The following ADARB2 variants were observed in gnomAD, a reference collection of about 807,000 sequenced individuals.
The protein encoded by ADARB2 is adenosine deaminase RNA specific B2 (inactive), also known as inactive double-stranded RNA-specific editase B2.
A neutral mutation model predicts 62.2 loss-of-function variants in ADARB2; 25 were observed. The ratio of observed to expected loss-of-function variants is 0.40; its 90% confidence interval spans 0.29 to 0.56. The LOEUF is 0.56. ADARB2 is among the 20% of genes least tolerant of loss of function. ADARB2 has a pLI of 0.43. For missense variants in ADARB2, 1,071 were observed against 1,077.4 expected (o/e 0.99, Z 0.08); for synonymous variants, 572 against 500.8 (o/e 1.14, Z -1.90).
intron 1 of ADARB2, among the ~76,000 whole-genome samples, chr10:1,642,081 G>T (rs1365670663): frequency 6.6e-6 from 1 of 152,140 alleles, no homozygotes; most frequent in Non-Finnish European, 1.5e-5. Flanking sequence ...CATTTATTAT[G>T]ATTTCTTTTT....
chr10:1,677,045 A>G (rs1834475113), intron 1 of ADARB2, among the ~76,000 whole-genome samples: 1 of 152,222 alleles, frequency 6.6e-6, no homozygotes, highest in South Asian at 2.1e-4. Flanking sequence ...CAGCTTACAC[A>G]TCCGCTTCAC....
chr10:1,659,640 C>A (rs149052233), intron 1 of ADARB2, among the ~76,000 whole-genome samples: 2 of 152,364 alleles, frequency 1.3e-5, no homozygotes, highest in East Asian at 3.9e-4. Flanking sequence ...ACTTTCAGAG[C>A]CTGGTGAACT....
At chr10:1,220,278 A>ATGATGGTG (rs1564225314) in intron 6 of ADARB2, among the ~76,000 whole-genome samples, 4 of 69,000 alleles carry the variant, frequency 5.8e-5, no homozygotes, top group Admixed American at 3.5e-4. Context: ...TGATGATGGT[A>ATGATGGTG]ATGGTGATGG....
chr10:1,548,901 G>C (rs1292423053), intron 1 of ADARB2, among the ~76,000 whole-genome samples: 1 of 152,202 alleles, frequency 6.6e-6, no homozygotes, highest in African/African-American at 2.4e-5. Flanking sequence ...GAGTGTGAGG[G>C]GCCGAGGCAG....
chr10:1,384,233 T>A (rs937544636), intron 1 of ADARB2, among the ~76,000 whole-genome samples: 11 of 152,236 alleles, frequency 7.2e-5, no homozygotes, highest in Admixed American at 6.5e-4. Flanking sequence ...GGAGAGCCAG[T>A]TCTCTACGCT....
chr10:1,515,737 A>G (rs962699832), intron 1 of ADARB2, among the ~76,000 whole-genome samples: 4 of 152,188 alleles, frequency 2.6e-5, no homozygotes, highest in African/African-American at 9.6e-5. Context: ...TTCAGATCCC[A>G]AAGTGTTTCT....
chr10:1,482,058 T>C (rs1588273619), intron 1 of ADARB2, among the ~76,000 whole-genome samples: 1 of 152,156 alleles, frequency 6.6e-6, no homozygotes, highest in African/African-American at 2.4e-5. Flanking sequence ...TTCATACCCA[T>C]GAGGATGGCT....
In ADARB2 at chr10:1,420,611, G is replaced by GAAAAAA. The variant is rs755860726; in HGVS notation, c.101-41452_101-41451insTTTTTT. ...GCAGGTCCTCATCTTCCAGAAAGAG[G>GAAAAAA]GAAAAAAAAAAAAAAAAAAGGCAGA... On this transcript the variant is annotated intron_variant, in intron 1 of 9. Coordinates refer to ENST00000381312, the MANE Select transcript of ADARB2 (RefSeq NM_018702.4). Among the ~76,000 whole-genome samples the GAAAAAA allele has an allele frequency of 1.7e-5, 2 of 121,130 alleles. 1 individual carries two copies. The allele number at this position is 121,130 out of a possible 152,430, so 79.5% of individuals were successfully genotyped here.
At chr10:1,649,368 A>G (rs1055201960) in intron 1 of ADARB2, among the ~76,000 whole-genome samples, 3 of 152,030 alleles carry the variant, frequency 2.0e-5, no homozygotes, top group African/African-American at 7.2e-5. Flanking sequence ...GTATTCCCCA[A>G]TTTTCCACAG....
At chr10:1,637,360 G>C (rs1833928937) in intron 1 of ADARB2, among the ~76,000 whole-genome samples, 1 of 152,144 alleles carries the variant, frequency 6.6e-6, no homozygotes, top group African/African-American at 2.4e-5. Flanking sequence ...TCCTTGATTA[G>C]AGCTATAATC....
chr10:1,506,946 G>A lies in ADARB2; in HGVS notation c.101-127786C>T, dbSNP rs78242764. Among the ~76,000 whole-genome samples the A allele has an allele frequency of 6.2e-3, 949 of 152,336 alleles. 11 individuals carry two copies. The highest frequency in any genetic ancestry group is 0.021 in the African/African-American group (879 of 41,588). ...GTGAGCAGGTGGCTGGCTGCAGGTC[G>A]GAGGCCAGGATGTCAGGAGGCAGGT... On this transcript the variant is annotated intron_variant, in intron 1 of 9. Coordinates refer to ENST00000381312, the MANE Select transcript of ADARB2 (RefSeq NM_018702.4).
Position 1,379,096 on chromosome 10 carries a change from G to A in ADARB2, c.165C>T (p.Asn55=), listed in dbSNP as rs768595539. 4 of 1,613,750 alleles carry A rather than the reference G, an allele frequency of 2.5e-6. No homozygotes were observed. In the Admixed American group the frequency reaches 6.7e-5, roughly 27 times the overall value. The change falls in exon 2 of 10, where the codon AAC becomes AAT. Residue 55 remains asparagine, a synonymous_variant. Transcript: ENST00000381312. Reference sequence around the variant, plus strand: ...TACTGAGGGTGTCGTCATCCTCCGTGTTTGTGATGCCAGGACTCAGGTGCT... The same window carrying A: ...TACTGAGGGTGTCGTCATCCTCCGTATTTGTGATGCCAGGACTCAGGTGCT... ...PFKHLSPGIT[N]TEDDDTLSTS...
chr10:1,565,395 C>T (rs1832847524), intron 1 of ADARB2, among the ~76,000 whole-genome samples: 2 of 152,226 alleles, frequency 1.3e-5, no homozygotes, highest in Admixed American at 6.5e-5. Context: ...GTTATGCCTC[C>T]CCTCCCCCTT....
At chr10:1,461,672 T>C (rs927935987) in intron 1 of ADARB2, among the ~76,000 whole-genome samples, 2 of 136,070 alleles carry the variant, frequency 1.5e-5, no homozygotes, top group African/African-American at 2.7e-5. Flanking sequence ...CTTTTTTTTT[T>C]CCTTTTTTTC....
chr10:1,357,527 T>C (rs1255740704), intron 3 of ADARB2, among the ~76,000 whole-genome samples: 1 of 152,214 alleles, frequency 6.6e-6, no homozygotes, highest in Non-Finnish European at 1.5e-5. Context: ...AATTTGAATT[T>C]CAGATAAATA....
At chr10:1,652,436 A>G (rs1427276396) in intron 1 of ADARB2, among the ~76,000 whole-genome samples, 6 of 152,002 alleles carry the variant, frequency 3.9e-5, no homozygotes, top group Non-Finnish European at 8.8e-5. Context: ...GGAGCATCCC[A>G]CTTCCTTTCC....
chr10:1,418,744 A>T (rs529853598), intron 1 of ADARB2, among the ~76,000 whole-genome samples: 1 of 152,192 alleles, frequency 6.6e-6, no homozygotes, highest in East Asian at 1.9e-4. Flanking sequence ...ACACTGATAC[A>T]ATAGTGATTT....
intron 2 of ADARB2, among the ~76,000 whole-genome samples, chr10:1,367,387 G>A (rs1260767596): frequency 6.6e-6 from 1 of 152,168 alleles, no homozygotes; most frequent in African/African-American, 2.4e-5. Context: ...AAAAGTATTA[G>A]GTTTGGGGAG....
chr10:1,435,500 G>C (rs1411727956), intron 1 of ADARB2, among the ~76,000 whole-genome samples: 3 of 152,166 alleles, frequency 2.0e-5, no homozygotes, highest in Non-Finnish European at 4.4e-5. Flanking sequence ...CATTAACGAG[G>C]GGGCCTGTGT....
Sources: allele counts gnomAD v4.1 joint callset (sites outside exome capture counted in the v4.1 genomes callset), GRCh38; gene constraint gnomAD v4.1.1; transcripts MANE v1.5; gene names NCBI Gene and HGNC (gene_info 2026-07-23, HGNC 2026-07-21).